Variants in VPS53 observed in about 807,000 individuals in gnomAD.
VPS53 encodes the protein vacuolar protein sorting-associated protein 53 homolog.
VPS53 carries 70 observed loss-of-function variants against 107.0 expected under a neutral mutation model. That is an observed-to-expected ratio of 0.65 (90% CI 0.54 to 0.80). The LOEUF (loss-of-function observed/expected upper bound fraction) is 0.80, where lower values mean the gene tolerates loss of function less well. VPS53 is among the 30% of genes least tolerant of loss of function. VPS53 has a pLI of 0.00. For missense variants in VPS53, 917 were observed against 1,049.4 expected (o/e 0.87, Z 1.74); for synonymous variants, 409 against 393.3 (o/e 1.04, Z -0.47).
At chr17:562,352 G>T in intron 14 of VPS53, 151 bp downstream of exon 14, 1 of 1,075,054 alleles carries the variant, frequency 9.3e-7, no homozygotes, top group Non-Finnish European at 1.3e-6. Context: ...TGTCAGAGAG[G>T]AAATAGCTTC....
At chr17:670,560 T>G (rs1369801878) in intron 4 of VPS53, among the ~76,000 whole-genome samples, 1 of 152,198 alleles carries the variant, frequency 6.6e-6, no homozygotes, top group African/African-American at 2.4e-5. Flanking sequence ...TTTGCAGAAC[T>G]GTTGTCTGCC....
At chr17:558,771 G>A (rs1030711838) in intron 15 of VPS53, among the ~76,000 whole-genome samples, 1 of 151,588 alleles carries the variant, frequency 6.6e-6, no homozygotes, top group Non-Finnish European at 1.5e-5. Flanking sequence ...GGATCACAAG[G>A]TCAAGAGTTG....
In VPS53 at chr17:710,931, C is replaced by T. The variant is rs549210321; in HGVS notation, c.88-318G>A. Among the ~76,000 whole-genome samples, 14 of 152,082 alleles carry T rather than the reference C, an allele frequency of 9.2e-5. No individual in the cohort carries two copies. In the South Asian group the frequency reaches 2.7e-3, roughly 29 times the overall value. ...CTACACTCCAGTCTGGGCGAAAGAGCAAGACTCTGTCTCAAAATTAAATTA... is the reference window on the plus strand; with the variant it reads ...CTACACTCCAGTCTGGGCGAAAGAGTAAGACTCTGTCTCAAAATTAAATTA... On this transcript the variant is annotated intron_variant, in intron 1 of 21. Transcript: ENST00000437048.
At chr17:598,691 C>G (rs1356337292) in intron 12 of VPS53, among the ~76,000 whole-genome samples, 1 of 123,398 alleles carries the variant, frequency 8.1e-6, no homozygotes, top group Non-Finnish European at 1.9e-5. Flanking sequence ...TGCCCGGCCG[C>G]CCCGTCTGAG....
intron 4 of VPS53, among the ~76,000 whole-genome samples, chr17:671,273 G>A (rs1971932197): frequency 6.8e-6 from 1 of 148,040 alleles, no homozygotes. Flanking sequence ...GGGAAGGGAA[G>A]GGACAAAAAG....
intron 4 of VPS53, chr17:675,796 T>G (rs1241104341): frequency 6.6e-6 from 1 of 150,996 alleles, no homozygotes; most frequent in East Asian, 1.9e-4. Context: ...AAAACTTACT[T>G]GGTAGTAAGT....
chr17:634,987 G>C (rs1408461561), intron 7 of VPS53, among the ~76,000 whole-genome samples: 1 of 152,176 alleles, frequency 6.6e-6, no homozygotes, highest in Non-Finnish European at 1.5e-5. Context: ...CTCCACAATG[G>C]TTGAACTAGT....
At position 627,277 on chromosome 17, in the gene VPS53, T is replaced by C; in HGVS notation, c.871A>G (p.Ile291Val). ...TCATAGTCCACAAGCTGGCGTTTTA[T>C]CCAGGCATAGCGTCTGTCGATTTTG... is the stretch of plus-strand genomic sequence containing the variant. ...LDKIDRRYAW[I>V]KRQLVDYEEK... is the part of the protein sequence containing the mutation. Residue 291 changes from isoleucine to valine, a missense_variant, in exon 10 of 22, where the codon ATA (isoleucine) becomes GTA (valine). By Grantham distance (29) the Ile-to-Val change is conservative (BLOSUM62 3). Coordinates refer to ENST00000437048, the MANE Select transcript of VPS53 (RefSeq NM_001128159.3). The C allele has an allele frequency of 6.2e-7, 1 of 1,614,044 alleles. No homozygotes were observed. The highest frequency in any genetic ancestry group is 1.1e-5 in the South Asian group (1 of 91,032).
At chr17:697,397 A>G (rs758351664) in intron 4 of VPS53, 21 bp downstream of exon 4, 8 of 1,605,988 alleles carry the variant, frequency 5.0e-6, no homozygotes, top group African/African-American at 2.7e-5. Context: ...CATAGGTAAT[A>G]TGGAGGAATG....
intron 11 of VPS53, among the ~76,000 whole-genome samples, chr17:606,367 C>T (rs1968578403): frequency 6.6e-6 from 1 of 152,150 alleles, no homozygotes; most frequent in East Asian, 1.9e-4. Flanking sequence ...TAACTTCTAG[C>T]CTCAGTTCTC....
intron 12 of VPS53, among the ~76,000 whole-genome samples, 183 bp from the exon 13 acceptor site, chr17:586,547 A>G (rs895062486): frequency 6.6e-6 from 1 of 152,232 alleles, no homozygotes; most frequent in Admixed American, 6.5e-5. Flanking sequence ...CTTTGTTAGC[A>G]TAACTCACTT....
intron 11 of VPS53, among the ~76,000 whole-genome samples, chr17:620,768 G>A (rs1339917809): frequency 1.3e-5 from 2 of 150,462 alleles, no homozygotes; most frequent in Non-Finnish European, 2.9e-5. Flanking sequence ...CACCACGCCT[G>A]ACTAATTTTT....
chr17:700,656 A>C (rs1315439578), intron 2 of VPS53, among the ~76,000 whole-genome samples: 6 of 152,186 alleles, frequency 3.9e-5, no homozygotes, highest in South Asian at 4.1e-4. Context: ...AAACAAAGGG[A>C]TCACTTCTGA....
intron 5 of VPS53, chr17:657,638 A>C (rs1479510672): frequency 1.6e-6 from 1 of 607,608 alleles, no homozygotes; most frequent in Non-Finnish European, 3.0e-6. Flanking sequence ...AGGTTCTGTG[A>C]TACCTGGAAG....
Position 541,778 on chromosome 17 carries a change from C to G in VPS53, c.1867-4602G>C, listed in dbSNP as rs575511791. Among the ~76,000 whole-genome samples the G allele has an allele frequency of 5.5e-3, 412 of 74,664 alleles. 1 individual carries two copies. The highest frequency in any genetic ancestry group is 6.7e-3 in the Non-Finnish European group (285 of 42,644). 49.0% of individuals were successfully genotyped at this position (74,664 alleles called of 152,430 possible). A position where few individuals can be genotyped will look rare whatever the true frequency, so the allele number is the denominator to read the frequency against. On this transcript the variant is annotated intron_variant, in intron 17 of 21. Coordinates refer to ENST00000437048, the MANE Select transcript of VPS53 (RefSeq NM_001128159.3). ...TATCAAGGACCTACCACGCACCGGG[C>G]GCTGAAGGAACGTTTATCAAGCACC...
chr17:549,631 G>A lies in VPS53; in HGVS notation c.1866+2241C>T, dbSNP rs112618872. Among the ~76,000 whole-genome samples, 622 of 152,152 alleles carry A rather than the reference G, an allele frequency of 4.1e-3. 3 individuals carry two copies. The highest frequency in any genetic ancestry group is 0.013 in the African/African-American group (520 of 41,510). On this transcript the variant is annotated intron_variant, in intron 17 of 21. Transcript: ENST00000437048. ...CTTTGGTGAATGTGAAAATTCTTTC[G>A]GCAGCTGCATTCCGATCTGAAGTGT...
At chr17:652,489 C>A (rs1360073985) in intron 7 of VPS53, among the ~76,000 whole-genome samples, 1 of 152,078 alleles carries the variant, frequency 6.6e-6, no homozygotes. Flanking sequence ...TCTCTTGGGA[C>A]GCTCATTCTT....
At chr17:555,742 C>T (rs570789029) in intron 15 of VPS53, among the ~76,000 whole-genome samples, 4 of 152,194 alleles carry the variant, frequency 2.6e-5, no homozygotes, top group Non-Finnish European at 5.9e-5. Flanking sequence ...ATCTTGATGA[C>T]AGACGTACAA....
chr17:654,866 T>TATCAGACC, intron 6 of VPS53, among the ~76,000 whole-genome samples: 1 of 152,012 alleles, frequency 6.6e-6, no homozygotes, highest in East Asian at 1.9e-4. Context: ...CTGCCTGGTC[T>TATCAGACC]GATGGTTTGG....
Sources: allele counts gnomAD v4.1 joint callset (sites outside exome capture counted in the v4.1 genomes callset), GRCh38; gene constraint gnomAD v4.1.1; transcripts MANE v1.5; gene names NCBI Gene and HGNC (gene_info 2026-07-23, HGNC 2026-07-21).